Variants in RANBP2 observed in about 807,000 individuals in gnomAD.
RANBP2 encodes E3 SUMO-protein ligase RanBP2.
Under a neutral mutation model 303.6 loss-of-function variants are expected in RANBP2, and 57 were observed. That is an observed-to-expected ratio of 0.19 (90% CI 0.15 to 0.23). RANBP2 has a LOEUF of 0.23. RANBP2 is among the 10% of genes least tolerant of loss of function. The pLI is 1.00. For synonymous variants in RANBP2, 1,167 were observed against 1,301.5 expected, an observed-to-expected ratio of 0.90 and a Z score of 2.23; for missense variants, 3,138 against 3,780.8, an observed-to-expected ratio of 0.83 and a Z score of 4.46.
chr2:109,492,731 T>C, the RANBP2 span, among the ~76,000 whole-genome samples: 2 of 152,140 alleles, frequency 1.3e-5, no homozygotes, highest in Non-Finnish European at 2.9e-5. Context: ...TCTGACCTCA[T>C]GGCCCACGCC....
At chr2:109,274,280 C>A in the RANBP2 span, among the ~76,000 whole-genome samples, 1 of 152,106 alleles carries the variant, frequency 6.6e-6, no homozygotes, top group South Asian at 2.1e-4. Context: ...AAAGTGAATT[C>A]CTAGGTGTGT....
At chr2:109,203,897 T>G in the RANBP2 span, among the ~76,000 whole-genome samples, 1 of 152,324 alleles carries the variant, frequency 6.6e-6, no homozygotes, top group African/African-American at 2.4e-5. Context: ...CTGGCAGCCC[T>G]TGATGGCAGG....
the RANBP2 span, among the ~76,000 whole-genome samples, chr2:109,722,670 T>C: frequency 2.6e-5 from 4 of 152,192 alleles, no homozygotes; most frequent in Admixed American, 6.5e-5. Context: ...ATGTGTGTTG[T>C]TCCCCACCAT....
the RANBP2 span, among the ~76,000 whole-genome samples, chr2:108,845,157 A>G: frequency 6.6e-6 from 1 of 152,184 alleles, no homozygotes; most frequent in Non-Finnish European, 1.5e-5. Context: ...TAACACACTT[A>G]TTGTAAGTAG....
chr2:108,912,567 G>A, the RANBP2 span: 1 of 1,042,810 alleles, frequency 9.6e-7, no homozygotes, highest in Non-Finnish European at 1.4e-6. Context: ...GGTGAGGCCA[G>A]GTGGGGAAGC....
the RANBP2 span, among the ~76,000 whole-genome samples, chr2:108,988,323 G>A: frequency 2.0e-5 from 3 of 152,170 alleles, no homozygotes; most frequent in Admixed American, 6.5e-5. Context: ...AATCAGAGCC[G>A]ACTCCTGTCT....
At chr2:109,438,108 G>A in the RANBP2 span, among the ~76,000 whole-genome samples, 1 of 152,224 alleles carries the variant, frequency 6.6e-6, no homozygotes, top group Non-Finnish European at 1.5e-5. Flanking sequence ...CCCATTAGAA[G>A]TGTCCAGAAA....
the RANBP2 span, among the ~76,000 whole-genome samples, chr2:109,104,676 G>C: frequency 6.6e-6 from 1 of 152,020 alleles, no homozygotes; most frequent in Non-Finnish European, 1.5e-5. Context: ...TAGAGACGGG[G>C]GTTTCACCTT....
chr2:109,018,882 AGTAAGT>A, the RANBP2 span, among the ~76,000 whole-genome samples: 2 of 152,358 alleles, frequency 1.3e-5, no homozygotes, highest in South Asian at 2.1e-4. Flanking sequence ...CTATGAGGAG[AGTAAGT>A]GTTTGCTCAC....
chr2:109,395,969 C>A, the RANBP2 span, among the ~76,000 whole-genome samples: 1 of 152,222 alleles, frequency 6.6e-6, no homozygotes, highest in South Asian at 2.1e-4. Flanking sequence ...AGAAGGGAAT[C>A]ATTTGAGCCC....
At chr2:109,563,949 T>C in the RANBP2 span, among the ~76,000 whole-genome samples, 4 of 152,184 alleles carry the variant, frequency 2.6e-5, no homozygotes, top group African/African-American at 9.7e-5. Flanking sequence ...AGTAAGACCC[T>C]GTCTCTACAA....
chr2:109,248,066 A>G, the RANBP2 span, among the ~76,000 whole-genome samples: 1 of 152,244 alleles, frequency 6.6e-6, no homozygotes, highest in Non-Finnish European at 1.5e-5. Flanking sequence ...GCCTGGATCC[A>G]GGGAACATGA....
the RANBP2 span, among the ~76,000 whole-genome samples, chr2:108,943,879 T>A: frequency 6.6e-6 from 1 of 152,296 alleles, no homozygotes; most frequent in Admixed American, 6.5e-5. Context: ...GCCTATAACC[T>A]TGCATACCAT....
chr2:109,193,400 C>A, the RANBP2 span, among the ~76,000 whole-genome samples: 1 of 152,116 alleles, frequency 6.6e-6, no homozygotes, highest in Non-Finnish European at 1.5e-5. Context: ...AATCATAGAC[C>A]ATTTTTATCA....
At chr2:109,542,614 CTG>C in the RANBP2 span, among the ~76,000 whole-genome samples, 1 of 152,208 alleles carries the variant, frequency 6.6e-6, no homozygotes, top group Non-Finnish European at 1.5e-5. Flanking sequence ...TGGCCTGGCT[CTG>C]TACCTCAGGT....
chr2:109,312,068 C>A, the RANBP2 span, among the ~76,000 whole-genome samples: 1 of 152,184 alleles, frequency 6.6e-6, no homozygotes, highest in South Asian at 2.1e-4. Flanking sequence ...ACTAGGGGAA[C>A]CTTGGTGTAT....
At chr2:108,932,528 C>CAAAAAAAAAA in the RANBP2 span, among the ~76,000 whole-genome samples, 2 of 39,122 alleles carry the variant, frequency 5.1e-5, no homozygotes, top group African/African-American at 1.0e-4. Context: ...GACTCTGTCT[C>CAAAAAAAAAA]AAAAAAAAAA....
At chr2:109,600,925 G>C in the RANBP2 span, among the ~76,000 whole-genome samples, 1 of 152,344 alleles carries the variant, frequency 6.6e-6, no homozygotes, top group African/African-American at 2.4e-5. Context: ...CAAATAAACA[G>C]CCAGATAAAG....
the RANBP2 span, among the ~76,000 whole-genome samples, chr2:109,546,405 T>C: frequency 4.6e-5 from 7 of 152,180 alleles, no homozygotes; most frequent in African/African-American, 1.4e-4. Context: ...AGTTTACATA[T>C]GGAATTCCCT....
Sources: gnomAD v4.1 joint callset for allele counts (sites outside exome capture counted in the v4.1 genomes callset) on GRCh38, gnomAD v4.1.1 for gene constraint, MANE v1.5 for transcripts, NCBI Gene and HGNC (gene_info 2026-07-23, HGNC 2026-07-21) for gene names.